The following PCDHA6 variants were observed in gnomAD, a reference collection of about 807,000 sequenced individuals.
PCDHA6 encodes the protein protocadherin alpha 6.
A neutral mutation model predicts 60.3 loss-of-function variants in PCDHA6; 55 were observed. That is an observed-to-expected ratio of 0.91 (90% CI 0.73 to 1.14). The LOEUF (loss-of-function observed/expected upper bound fraction) is 1.14. Ranked by LOEUF, PCDHA6 falls within the 50% of genes most tolerant of loss-of-function variation. PCDHA6 has a pLI of 0.00. For synonymous variants in PCDHA6, 652 were observed against 557.9 expected (o/e 1.17, Z -2.38); for missense variants, 1,327 against 1,256.5 (o/e 1.06, Z -0.85).
At chr5:140,925,092 AGGAAGGAAGGAAGGAG>A (rs1190692996) in intron 1 of PCDHA6, among the ~76,000 whole-genome samples, 1 of 151,410 alleles carries the variant, frequency 6.6e-6, no homozygotes, top group Non-Finnish European at 1.5e-5. Flanking sequence ...AAAGGAAGGA[AGGAAGGAAGGAAGGAG>A]GGAAGGAAGG....
At chr5:140,856,691 G>A (rs2044151456) in intron 1 of PCDHA6, 1 of 1,596,420 alleles carries the variant, frequency 6.3e-7, no homozygotes, top group African/African-American at 1.3e-5. Context: ...GACAGCAACT[G>A]ATGGAGGCAA....
At chr5:140,858,451 T>C in intron 1 of PCDHA6, 1 of 1,531,552 alleles carries the variant, frequency 6.5e-7, no homozygotes, top group East Asian at 2.4e-5. Context: ...GTTATTACGT[T>C]TTCATTTTCC....
intron 1 of PCDHA6, chr5:140,967,227 A>G (rs1586199202): frequency 1.2e-6 from 2 of 1,613,742 alleles, no homozygotes; most frequent in Admixed American, 1.7e-5. Flanking sequence ...CCCAACTACC[A>G]GCTTCAGGTA....
At position 140,864,979 on chromosome 5, in the gene PCDHA6, CTTGAGACCAGGAGT is replaced by C. The variant is rs2153225793; in HGVS notation, c.2394+34505_2394+34518del. 3.3e-5 allele frequency: 5 copies of C among 152,266 alleles called. No homozygotes were observed. In the South Asian group the frequency reaches 1.0e-3, roughly 32 times the overall value. The allele number at this position is 152,266 out of a possible 1,614,324, so 9.4% of individuals were successfully genotyped here. A position where few individuals can be genotyped will look rare whatever the true frequency, so the allele number is the denominator to read the frequency against. On this transcript the variant is annotated intron_variant, in intron 1 of 3. Coordinates refer to ENST00000529310, the MANE Select transcript of PCDHA6 (RefSeq NM_018909.4). ...TTGGGAAGCCGAGGGAGGAGGATCG[CTTGAGACCAGGAGT>C]TTGAGACCAGCCTCGGCAACATAGT...
intron 1 of PCDHA6, chr5:140,836,212 A>T: frequency 6.2e-7 from 1 of 1,613,756 alleles, no homozygotes. Flanking sequence ...CTTTCGTATG[A>T]GTTGCAACCG....
At chr5:140,923,878 G>A (rs1475731417) in intron 1 of PCDHA6, among the ~76,000 whole-genome samples, 3 of 152,192 alleles carry the variant, frequency 2.0e-5, no homozygotes, top group Non-Finnish European at 4.4e-5. Context: ...TCTGAGAAGC[G>A]TGTGAAAGAG....
chr5:140,914,187 A>G (rs2076635858), intron 1 of PCDHA6, among the ~76,000 whole-genome samples: 1 of 152,110 alleles, frequency 6.6e-6, no homozygotes, highest in African/African-American at 2.4e-5. Flanking sequence ...TTCTCCACCT[A>G]TTATTGTATT....
chr5:141,011,662 G>C lies in PCDHA6; in HGVS notation c.*1725G>C, dbSNP rs1166635893. On this transcript the variant is annotated 3_prime_UTR_variant, in exon 4 of 4. Coordinates refer to ENST00000529310, the MANE Select transcript of PCDHA6 (RefSeq NM_018909.4). The stretch of plus-strand genomic sequence containing the variant: ...CAAGACTTCTGCTGGCAAGGGAATG[G>C]ATAAAGCTGTTTTGTTCTAGTAACA... 2.0e-5 allele frequency: 3 copies of C among 153,688 alleles called. No homozygotes were observed. Among genetic ancestry groups the C allele is most frequent in the African/African-American group, 7.2e-5 (3 of 41,414 alleles). The allele number at this position is 153,688 out of a possible 1,614,324, so 9.5% of individuals were successfully genotyped here.
At chr5:140,874,202 T>C (rs11741879) in intron 1 of PCDHA6, among the ~76,000 whole-genome samples, 12,321 of 152,316 alleles carry the variant, frequency 0.081, 541 homozygotes, top group Middle Eastern at 0.13. Context: ...TTCAGTTGCC[T>C]TTATTATTAT....
At chr5:140,890,576 A>T (rs1554184435) in intron 1 of PCDHA6, among the ~76,000 whole-genome samples, 2 of 151,634 alleles carry the variant, frequency 1.3e-5, no homozygotes, top group African/African-American at 4.8e-5. Flanking sequence ...TTCCTTCTGT[A>T]TTATTTGGAA....
chr5:140,953,475 T>C (rs1178172011), intron 1 of PCDHA6, among the ~76,000 whole-genome samples: 3 of 152,140 alleles, frequency 2.0e-5, no homozygotes, highest in African/African-American at 7.2e-5. Context: ...AACTTCCTCA[T>C]GCTGTGTCAC....
chr5:140,847,032 A>C (rs1780821706), intron 1 of PCDHA6, among the ~76,000 whole-genome samples: 1 of 149,836 alleles, frequency 6.7e-6, no homozygotes. Context: ...GAAAGAGAAA[A>C]CATAAGGAAA....
intron 1 of PCDHA6, among the ~76,000 whole-genome samples, chr5:140,949,684 C>T (rs116815984): frequency 0.023 from 3,563 of 151,738 alleles, 50 homozygotes; most frequent in Middle Eastern, 0.051. Context: ...CTTGTTGAAG[C>T]GTATTGTTGG....
intron 1 of PCDHA6, chr5:140,968,614 A>T: frequency 6.2e-7 from 1 of 1,614,142 alleles, no homozygotes; most frequent in Non-Finnish European, 8.5e-7. Context: ...ACTCTGGGCA[A>T]AATGCTTGGC....
chr5:140,927,422 T>G, intron 1 of PCDHA6: 1 of 1,614,028 alleles, frequency 6.2e-7, no homozygotes. Context: ...GGATCGCGGG[T>G]TGACGGCAGC....
chr5:140,868,967 AC>A, intron 1 of PCDHA6: 1 of 1,435,870 alleles, frequency 7.0e-7, no homozygotes, highest in African/African-American at 1.4e-5. Context: ...ATACAAAGGA[AC>A]TCCATCATAC....
chr5:141,002,497 CT>C (rs1310638544), intron 3 of PCDHA6, among the ~76,000 whole-genome samples: 1 of 152,204 alleles, frequency 6.6e-6, no homozygotes, highest in Non-Finnish European at 1.5e-5. Flanking sequence ...TGTTATACAG[CT>C]CAGGATCTGA....
rs2150184535 is a variant in PCDHA6, at chr5:140,830,290, G to A, written c.2199G>A (p.Thr733=). ...CGCCACCCACCGAGGGCGCGTGCAC[G>A]GCGGACAAGCCCACGCTGGTGTGCT... ...CSAPPTEGAC[T]ADKPTLVCSS... Residue 733 remains threonine (T), a synonymous_variant, in exon 1 of 4, where the codon ACG becomes ACA. Coordinates refer to ENST00000529310, the MANE Select transcript of PCDHA6 (RefSeq NM_018909.4). 1.9e-6 allele frequency: 3 copies of A among 1,613,848 alleles called. No homozygotes were observed. Among genetic ancestry groups the A allele is most frequent in the East Asian group, 2.2e-5 (1 of 44,862 alleles).
chr5:141,002,023 G>GC (rs1479327416), intron 3 of PCDHA6, among the ~76,000 whole-genome samples: 4 of 152,186 alleles, frequency 2.6e-5, no homozygotes, highest in Admixed American at 6.5e-5. Flanking sequence ...ACAGCCTTCG[G>GC]TGCCCTGACT....
Sources: allele counts gnomAD v4.1 joint callset (sites outside exome capture counted in the v4.1 genomes callset), GRCh38; gene constraint gnomAD v4.1.1; transcripts MANE v1.5; gene names NCBI Gene and HGNC (gene_info 2026-07-23, HGNC 2026-07-21).